Variants in CDK14 observed in about 807,000 individuals in gnomAD.
CDK14 encodes the protein cyclin dependent kinase 14, also known as cyclin-dependent kinase 14.
Under a neutral mutation model 60.7 loss-of-function variants are expected in CDK14, and 34 were observed. The observed-to-expected ratio is 0.56, with a 90% confidence interval of 0.43 to 0.75. CDK14 has a LOEUF of 0.75. Ranked by LOEUF, CDK14 falls within the 30% of genes least tolerant of loss-of-function variation. The pLI, the probability that CDK14 is intolerant of heterozygous loss-of-function variation, is 0.00. For synonymous variants in CDK14, 197 were observed against 203.7 expected, an observed-to-expected ratio of 0.97 and a Z score of 0.28; for missense variants, 482 against 564.1, an observed-to-expected ratio of 0.85 and a Z score of 1.47.
At chr7:90,768,028 C>G (rs1261034100) in intron 4 of CDK14, among the ~76,000 whole-genome samples, 1 of 152,188 alleles carries the variant, frequency 6.6e-6, no homozygotes, top group Admixed American at 6.5e-5. Context: ...ATATTGTTTA[C>G]ACGTATTTAT....
chr7:91,014,746 G>A (rs113059336), intron 10 of CDK14, among the ~76,000 whole-genome samples: 2 of 152,150 alleles, frequency 1.3e-5, no homozygotes, highest in African/African-American at 2.4e-5. Flanking sequence ...AAGTTTGTTC[G>A]ATTTCAGATA....
At chr7:90,897,078 G>A (rs570784986) in intron 6 of CDK14, among the ~76,000 whole-genome samples, 5 of 151,930 alleles carry the variant, frequency 3.3e-5, no homozygotes, top group African/African-American at 4.8e-5. Flanking sequence ...GAAATTTTCC[G>A]TTTCTTCTTT....
intron 7 of CDK14, among the ~76,000 whole-genome samples, chr7:90,904,118 T>C (rs935889304): frequency 6.6e-6 from 1 of 151,924 alleles, no homozygotes; most frequent in Non-Finnish European, 1.5e-5. Context: ...AGGTGGGGGT[T>C]GTGTAGGTCA....
intron 2 of CDK14, among the ~76,000 whole-genome samples, chr7:90,638,333 C>CA (rs1800213495): frequency 6.6e-6 from 1 of 152,118 alleles, no homozygotes; most frequent in African/African-American, 2.4e-5. Context: ...CTGGTGGTGA[C>CA]AAAATCTCTC....
chr7:90,899,292 A>G lies in CDK14; in HGVS notation c.641A>G (p.His214Arg). ...TACATTTTTCCTTTTCTTTTCTAGC[A>G]CACTGATTTATGTCAGTACATGGAC... is the stretch of plus-strand genomic sequence containing the variant. Reference protein sequence around the residue: ...ETLTLVFEYVHTDLCQYMDKH... With the variant: ...ETLTLVFEYVRTDLCQYMDKH... The change falls in exon 7 of 15, where the codon CAC (histidine) becomes CGC (arginine). Residue 214 changes from histidine to arginine, a missense_variant and splice_region_variant. Coordinates refer to ENST00000380050, the MANE Select transcript of CDK14 (RefSeq NM_001287135.2). 6.2e-7 allele frequency: 1 copy of G among 1,600,042 alleles called. No individual in the cohort carries two copies. The highest frequency in any genetic ancestry group is 8.5e-7 in the Non-Finnish European group (1 of 1,173,554).
At chr7:90,814,769 C>G (rs911635685) in intron 5 of CDK14, among the ~76,000 whole-genome samples, 4 of 152,184 alleles carry the variant, frequency 2.6e-5, no homozygotes, top group Non-Finnish European at 5.9e-5. Context: ...GAGCAAGATT[C>G]CATCTCAAAA....
At chr7:90,836,588 T>C (rs966619880) in intron 5 of CDK14, among the ~76,000 whole-genome samples, 121 of 150,098 alleles carry the variant, frequency 8.1e-4, no homozygotes, top group African/African-American at 2.8e-3. Flanking sequence ...TTTACAGTGA[T>C]TTTTTTTTAA....
intron 6 of CDK14, among the ~76,000 whole-genome samples, chr7:90,863,670 A>ATGTGTGTGTGTGTGTGTG (rs111580477): frequency 0.014 from 2,014 of 145,846 alleles, 16 homozygotes; most frequent in Middle Eastern, 0.032. Context: ...TTATTAAGAT[A>ATGTGTGTGTGTGTGTGTG]TGTGTGTGTG....
chr7:90,652,280 C>A (rs1800660176), intron 2 of CDK14, among the ~76,000 whole-genome samples: 2 of 152,156 alleles, frequency 1.3e-5, no homozygotes, highest in African/African-American at 4.8e-5. Flanking sequence ...ATAAGGAGAA[C>A]CTCCTGCATG....
intron 8 of CDK14, among the ~76,000 whole-genome samples, chr7:90,923,409 C>T (rs1234211396): frequency 2.0e-5 from 3 of 152,080 alleles, no homozygotes; most frequent in Admixed American, 6.5e-5. Context: ...ATGCCTGGCC[C>T]AACATCTTTT....
chr7:90,956,983 A>G (rs944038491), intron 9 of CDK14, among the ~76,000 whole-genome samples: 1 of 151,004 alleles, frequency 6.6e-6, no homozygotes, highest in African/African-American at 2.4e-5. Context: ...CATGGTGTAT[A>G]TGTGCCACAT....
intron 4 of CDK14, among the ~76,000 whole-genome samples, chr7:90,749,433 C>T (rs1803729295): frequency 6.6e-6 from 1 of 152,092 alleles, no homozygotes; most frequent in Admixed American, 6.5e-5. Flanking sequence ...TACATCCAGG[C>T]AGATCTCCAG....
intron 14 of CDK14, among the ~76,000 whole-genome samples, chr7:91,199,882 A>G (rs1275942074): frequency 2.0e-5 from 3 of 152,194 alleles, no homozygotes; most frequent in African/African-American, 7.2e-5. Context: ...CTCTGCATTC[A>G]TTTTAATTAA....
intron 2 of CDK14, among the ~76,000 whole-genome samples, chr7:90,713,438 T>C (rs1401134487): frequency 6.6e-6 from 1 of 150,648 alleles, no homozygotes; most frequent in African/African-American, 2.4e-5. Context: ...TTGCTTTCTA[T>C]CCCCCTAACT....
At chr7:90,933,596 ACTT>A (rs1222333563) in intron 8 of CDK14, among the ~76,000 whole-genome samples, 2 of 152,238 alleles carry the variant, frequency 1.3e-5, no homozygotes, top group Non-Finnish European at 2.9e-5. Flanking sequence ...ATGACAAGTA[ACTT>A]CTTTATATAG....
At chr7:90,959,471 A>G (rs1794533543) in intron 9 of CDK14, among the ~76,000 whole-genome samples, 1 of 152,224 alleles carries the variant, frequency 6.6e-6, no homozygotes, top group African/African-American at 2.4e-5. Context: ...TGAGAGAACT[A>G]GAAATGGGAC....
intron 12 of CDK14, among the ~76,000 whole-genome samples, chr7:91,092,618 G>T (rs1354741001): frequency 6.6e-6 from 1 of 152,180 alleles, no homozygotes; most frequent in Non-Finnish European, 1.5e-5. Flanking sequence ...AACTGTTTCT[G>T]TGTTGGGAAC....
intron 2 of CDK14, among the ~76,000 whole-genome samples, chr7:90,616,434 A>G (rs1490909147): frequency 6.6e-6 from 1 of 152,164 alleles, no homozygotes; most frequent in African/African-American, 2.4e-5. Flanking sequence ...TCTTCAAGTC[A>G]ATATGATGGA....
chr7:90,663,614 C>T (rs1281593102), intron 2 of CDK14, among the ~76,000 whole-genome samples: 5 of 152,190 alleles, frequency 3.3e-5, no homozygotes, highest in African/African-American at 9.7e-5. Flanking sequence ...TGGTCATACT[C>T]TTCTATTTAG....
Sources: allele counts gnomAD v4.1 joint callset (sites outside exome capture counted in the v4.1 genomes callset), GRCh38; gene constraint gnomAD v4.1.1; transcripts MANE v1.5; gene names NCBI Gene and HGNC (gene_info 2026-07-23, HGNC 2026-07-21).